Variants in ROBO1 observed in about 807,000 individuals in gnomAD.
The protein encoded by ROBO1 is roundabout homolog 1.
A neutral mutation model predicts 195.9 loss-of-function variants in ROBO1; 149 were observed. That is an observed-to-expected ratio of 0.76 (90% CI 0.67 to 0.87). ROBO1 has a LOEUF of 0.87. Among genes scored for constraint, ROBO1 ranks in the 40% least tolerant of loss-of-function variants. The pLI is 0.00. For synonymous variants in ROBO1, 816 were observed against 733.2 expected (o/e 1.11, Z -1.82); for missense variants, 1,933 against 2,068.3 (o/e 0.93, Z 1.27).
At chr3:78,728,952 T>C (rs1444363022) in intron 5 of ROBO1, among the ~76,000 whole-genome samples, 3 of 152,208 alleles carry the variant, frequency 2.0e-5, no homozygotes, top group Admixed American at 2.0e-4. Context: ...GCCAGGAGTT[T>C]AAACACACTT....
chr3:78,659,878 A>C, intron 16 of ROBO1, 71 bp from the exon 17 acceptor site: 13 of 1,267,098 alleles, frequency 1.0e-5, no homozygotes, highest in South Asian at 1.5e-5. Flanking sequence ...AATTAATATC[A>C]AACCCAATAA....
intron 2 of ROBO1, among the ~76,000 whole-genome samples, chr3:79,582,999 G>A (rs1943707284): frequency 6.6e-6 from 1 of 151,914 alleles, no homozygotes; most frequent in African/African-American, 2.4e-5. Context: ...TACAAGATCT[G>A]TGAAGTCTTT....
intron 2 of ROBO1, among the ~76,000 whole-genome samples, chr3:79,466,727 C>T (rs1937980016): frequency 6.6e-6 from 1 of 151,718 alleles, no homozygotes; most frequent in Non-Finnish European, 1.5e-5. Context: ...TCAGTGTTTG[C>T]CAGAAAAATG....
intron 4 of ROBO1, among the ~76,000 whole-genome samples, chr3:78,858,258 T>TC (rs111473906): frequency 0.064 from 9,749 of 152,064 alleles, 813 homozygotes; most frequent in African/African-American, 0.19. Context: ...AGAGATTAAT[T>TC]CCCAAACCCC....
At chr3:78,759,468 T>C (rs2083035028) in intron 4 of ROBO1, 1 of 152,142 alleles carries the variant, frequency 6.6e-6, no homozygotes, top group African/African-American at 2.4e-5. Flanking sequence ...GCATAAGAAT[T>C]GAGTTAAAAA....
intron 2 of ROBO1, among the ~76,000 whole-genome samples, chr3:79,231,409 A>C (rs2082319505): frequency 6.6e-6 from 1 of 152,190 alleles, no homozygotes; most frequent in Non-Finnish European, 1.5e-5. Context: ...AAAGGACATA[A>C]ACTGACACTT....
intron 3 of ROBO1, among the ~76,000 whole-genome samples, chr3:79,046,053 CT>C (rs2078584932): frequency 1.3e-5 from 2 of 152,108 alleles, no homozygotes; most frequent in Non-Finnish European, 2.9e-5. Context: ...TAAATCCTCT[CT>C]TTTAGTTTAG....
In ROBO1 at chr3:78,987,530, G is replaced by C. The variant is rs957900214; in HGVS notation, c.173-48603C>G. The stretch of plus-strand genomic sequence containing the variant: ...ATATTTATTTTCTAAGAAGTGAGGA[G>C]GGATACTGTTAAAACATTTATAGTT... On this transcript the variant is annotated intron_variant, in intron 3 of 30. Coordinates refer to ENST00000464233, the MANE Select transcript of ROBO1 (RefSeq NM_002941.4). Among the ~76,000 whole-genome samples, 4 of 152,216 alleles carry C rather than the reference G, an allele frequency of 2.6e-5. No homozygotes were observed. The East Asian group carries it at 7.7e-4, about 29-fold the overall frequency.
At chr3:79,614,973 C>A (rs1424855261) in intron 1 of ROBO1, among the ~76,000 whole-genome samples, 1 of 152,052 alleles carries the variant, frequency 6.6e-6, no homozygotes, top group African/African-American at 2.4e-5. Context: ...AGCACTCTGT[C>A]CTCACCCCTC....
At chr3:79,706,818 T>C (rs1053097091) in intron 1 of ROBO1, among the ~76,000 whole-genome samples, 1 of 152,114 alleles carries the variant, frequency 6.6e-6, no homozygotes, top group African/African-American at 2.4e-5. Context: ...AATTGCCCAG[T>C]CTCAGGTATG....
intron 2 of ROBO1, among the ~76,000 whole-genome samples, chr3:79,322,656 A>T (rs1321181898): frequency 1.3e-5 from 2 of 152,214 alleles, no homozygotes; most frequent in African/African-American, 4.8e-5. Context: ...GCAGGCTAAT[A>T]ATAGTAACCA....
chr3:78,698,783 T>C (rs1215163711), intron 8 of ROBO1, among the ~76,000 whole-genome samples: 1 of 152,196 alleles, frequency 6.6e-6, no homozygotes, highest in Non-Finnish European at 1.5e-5. Context: ...AACCCATATA[T>C]ACAAAGTACC....
intron 2 of ROBO1, among the ~76,000 whole-genome samples, chr3:79,140,614 A>C (rs983222786): frequency 6.6e-6 from 1 of 152,174 alleles, no homozygotes; most frequent in Non-Finnish European, 1.5e-5. Context: ...ATTACAAACC[A>C]ATTTAAATGG....
intron 3 of ROBO1, among the ~76,000 whole-genome samples, chr3:79,106,454 T>C (rs564911710): frequency 6.6e-6 from 1 of 151,808 alleles, no homozygotes; most frequent in Non-Finnish European, 1.5e-5. Flanking sequence ...CAAATAATTC[T>C]ATTTTTGATA....
At chr3:79,614,506 C>A (rs974293738) in intron 1 of ROBO1, among the ~76,000 whole-genome samples, 4 of 152,036 alleles carry the variant, frequency 2.6e-5, no homozygotes, top group African/African-American at 7.2e-5. Flanking sequence ...AATAAGTGTG[C>A]TTAGCGATGC....
At chr3:79,427,169 T>G (rs1160479805) in intron 2 of ROBO1, among the ~76,000 whole-genome samples, 2 of 152,160 alleles carry the variant, frequency 1.3e-5, no homozygotes, top group African/African-American at 4.8e-5. Flanking sequence ...TCACATCAGT[T>G]TATAGAGATC....
At chr3:79,319,805 C>A (rs966242203) in intron 2 of ROBO1, among the ~76,000 whole-genome samples, 5 of 152,012 alleles carry the variant, frequency 3.3e-5, no homozygotes, top group African/African-American at 1.2e-4. Flanking sequence ...TAACATATAA[C>A]CCATAGGTAC....
chr3:79,054,390 G>C (rs534187161), intron 3 of ROBO1, among the ~76,000 whole-genome samples: 5 of 152,196 alleles, frequency 3.3e-5, no homozygotes, highest in African/African-American at 7.2e-5. Context: ...GAGTGCTCAA[G>C]GTATTCTCCT....
At chr3:78,838,745 T>C (rs1328263180) in intron 4 of ROBO1, among the ~76,000 whole-genome samples, 2 of 152,182 alleles carry the variant, frequency 1.3e-5, no homozygotes, top group Non-Finnish European at 2.9e-5. Context: ...AACATTAGCC[T>C]TGGGGGACAA....
Sources: allele counts gnomAD v4.1 joint callset (sites outside exome capture counted in the v4.1 genomes callset), GRCh38; gene constraint gnomAD v4.1.1; transcripts MANE v1.5; gene names NCBI Gene and HGNC (gene_info 2026-07-23, HGNC 2026-07-21).